Variants in DYSF observed in about 807,000 individuals in gnomAD.
DYSF encodes the protein dysferlin, also known as dystrophy-associated fer-1-like 1.
DYSF carries 212 observed loss-of-function variants against 274.9 expected under a neutral mutation model. The observed-to-expected ratio is 0.77, with a 90% CI of 0.69 to 0.86. DYSF has a LOEUF of 0.86. DYSF is among the 40% of genes least tolerant of loss of function. The probability of loss-of-function intolerance (pLI) is 0.00; values close to 1 mark genes in which losing one functional copy is unlikely to be tolerated. For missense variants in DYSF, 2,666 were observed against 2,783.2 expected (o/e 0.96, Z 0.95); for synonymous variants, 1,091 against 1,078.7 (o/e 1.01, Z -0.22).
At chr2:71,570,881 C>T in intron 29 of DYSF, 140 bp downstream of exon 29, 2 of 1,244,072 alleles carry the variant, frequency 1.6e-6, no homozygotes, top group South Asian at 2.9e-5. Flanking sequence ...TGGAGGTGCT[C>T]ACAGATCACA....
chr2:71,666,437 G>T (rs2095011088), intron 47 of DYSF, among the ~76,000 whole-genome samples: 1 of 152,228 alleles, frequency 6.6e-6, no homozygotes, highest in South Asian at 2.1e-4. Flanking sequence ...ACTGAAATGG[G>T]CAGGGCAGGT....
rs115556250 is a variant in DYSF, at chr2:71,642,519, G to A, written c.4528-1446G>A. 3.4e-3 allele frequency among the ~76,000 whole-genome samples: 523 copies of A among 152,284 alleles called. 3 individuals carry two copies. Among genetic ancestry groups the A allele is most frequent in the African/African-American group, 0.012 (498 of 41,558 alleles). ...CTCTAAGCTGGCTTTTTCTAGAGTG[G>A]TTACAAGTCAGAAAGCTCTGCCATG... On this transcript the variant is annotated intron_variant, in intron 41 of 55. Coordinates refer to ENST00000410020, the MANE Select transcript of DYSF (RefSeq NM_001130987.2).
intron 17 of DYSF, among the ~76,000 whole-genome samples, chr2:71,548,840 G>T (rs952636796): frequency 2.6e-5 from 4 of 152,138 alleles, no homozygotes; most frequent in African/African-American, 9.7e-5. Context: ...TGGAGATGTT[G>T]TGCCTTGAAA....
chr2:71,684,131 C>G (rs1387173359), intron 55 of DYSF, among the ~76,000 whole-genome samples: 1 of 152,194 alleles, frequency 6.6e-6, no homozygotes, highest in Non-Finnish European at 1.5e-5. Flanking sequence ...TGTCCATCAG[C>G]AAAATCTGAC....
upstream of DYSF, among the ~76,000 whole-genome samples, chr2:71,462,831 C>A (rs76517336): frequency 0.18 from 26,755 of 152,106 alleles, 2,635 homozygotes; most frequent in East Asian, 0.45. Flanking sequence ...CCTGGTAGTC[C>A]CAACATCTGT....
intron 36 of DYSF, among the ~76,000 whole-genome samples, chr2:71,605,927 C>A (rs1455875922): frequency 6.6e-6 from 1 of 152,080 alleles, no homozygotes; most frequent in African/African-American, 2.4e-5. Context: ...ACAATGGAGC[C>A]CTCCCAGCCT....
intron 35 of DYSF, 72 bp from the exon 36 acceptor site, chr2:71,602,704 T>G (rs2093574527): frequency 2.6e-6 from 4 of 1,547,174 alleles, no homozygotes; most frequent in African/African-American, 1.3e-5. Context: ...TTGATACTAA[T>G]AGAGAACTTT....
Position 71,612,551 on chromosome 2 carries a change from C to T in DYSF, c.4222-90C>T, listed in dbSNP as rs935203058. 3.2e-5 allele frequency: 50 copies of T among 1,562,706 alleles called. No homozygotes were observed. The Middle Eastern group carries it at 5.1e-4, about 16-fold the overall frequency. On this transcript the variant is annotated intron_variant, in intron 38 of 55. Coordinates refer to ENST00000410020, the MANE Select transcript of DYSF (RefSeq NM_001130987.2). ...GATTTCTGGCTGTGGGGATTATCTG[C>T]GGTTTATAGTCATTTTCTGCTCTTT...
rs948317553 is a variant in DYSF, at chr2:71,620,555, C to G, written c.4473C>G (p.Asp1491Glu). The change falls in exon 41 of 56, where the codon GAC becomes GAG. Residue 1491 changes from aspartate (D) to glutamate (E), a missense_variant. Asp to Glu is a conservative substitution (Grantham distance 45). This residue lies in a region of DYSF where 1,460 missense variants were observed against 1,502.1 expected (regional missense o/e 0.97). Coordinates refer to ENST00000410020, the MANE Select transcript of DYSF (RefSeq NM_001130987.2). ...GCATGTTTCATTTGTAGCTTGCAGA[C>G]GGTCTGTCGAGCTTGGCCCCCACTA... The part of the protein sequence containing the change: ...KEPLIPIQLA[D>E]GLSSLAPTNT... The G allele has an allele frequency of 9.7e-6, 15 of 1,551,544 alleles. No homozygotes were observed. The highest frequency in any genetic ancestry group is 3.5e-6 in the Non-Finnish European group (4 of 1,146,994).
chr2:71,516,091 C>T (rs1203923749), intron 8 of DYSF, 89 bp from the exon 9 acceptor site: 19 of 1,276,766 alleles, frequency 1.5e-5, no homozygotes, highest in African/African-American at 8.8e-5. Flanking sequence ...AACTGCTAGG[C>T]GTGGAGGCTT....
intron 1 of DYSF, among the ~76,000 whole-genome samples, chr2:71,455,477 G>A (rs1187161692): frequency 2.0e-5 from 3 of 152,158 alleles, no homozygotes; most frequent in African/African-American, 4.8e-5. Context: ...CGTGGCCTCC[G>A]GAAATGAGCT....
intron 14 of DYSF, among the ~76,000 whole-genome samples, chr2:71,534,790 C>T (rs2089136314): frequency 6.6e-6 from 1 of 152,134 alleles, no homozygotes; most frequent in South Asian, 2.1e-4. Flanking sequence ...AGACAGCCCA[C>T]CCCACCCTTA....
At chr2:71,626,547 TAAAC>T (rs2094211353) in intron 41 of DYSF, among the ~76,000 whole-genome samples, 1 of 151,826 alleles carries the variant, frequency 6.6e-6, no homozygotes, top group Non-Finnish European at 1.5e-5. Context: ...TATTAGTACT[TAAAC>T]AACTTTGCAT....
At chr2:71,639,004 T>C (rs1278890125) in intron 41 of DYSF, among the ~76,000 whole-genome samples, 1 of 152,220 alleles carries the variant, frequency 6.6e-6, no homozygotes, top group Non-Finnish European at 1.5e-5. Flanking sequence ...ATTATCTGAC[T>C]TTATGATGAT....
At chr2:71,672,184 C>T (rs1050433423) in intron 51 of DYSF, among the ~76,000 whole-genome samples, 14 of 151,156 alleles carry the variant, frequency 9.3e-5, no homozygotes, top group South Asian at 2.1e-4. Flanking sequence ...CTGGCTCGGC[C>T]GAAGGCGGAG....
intron 31 of DYSF, among the ~76,000 whole-genome samples, 175 bp from the exon 32 acceptor site, chr2:71,590,036 C>T (rs553740039): frequency 7.9e-5 from 12 of 152,234 alleles, no homozygotes; most frequent in South Asian, 2.1e-4. Flanking sequence ...GTCAGGTGTC[C>T]GCTTTCAAGC....
chr2:71,529,567 C>T (rs2088407220), intron 14 of DYSF, among the ~76,000 whole-genome samples: 2 of 152,236 alleles, frequency 1.3e-5, no homozygotes, highest in Admixed American at 1.3e-4. Context: ...GCCATAATGT[C>T]AGGTTGTCCC....
chr2:71,513,330 C>G lies in DYSF; in HGVS notation c.551C>G (p.Thr184Arg). The G allele has an allele frequency of 6.4e-7, 1 of 1,551,560 alleles. No homozygotes were observed. Among genetic ancestry groups the G allele is most frequent in the Non-Finnish European group, 8.7e-7 (1 of 1,146,912 alleles). ...TCTGGAAAGAAGTGGCCGGCCCCCA[C>G]GGGTGAGACACGGGCCAGGACTGTC... Reference protein sequence around the residue: ...RYSGKKWPAPTDTGGEEDTED... With the variant: ...RYSGKKWPAPRDTGGEEDTED... Residue 184 changes from threonine to arginine, a missense_variant and splice_region_variant, in exon 6 of 56, where the codon ACG (threonine) becomes AGG (arginine). Physicochemically the swap from Thr to Arg is moderately conservative, Grantham distance 71. This residue lies in a region of DYSF where 794 missense variants were observed against 777.1 expected (regional missense o/e 1.02). Transcript: ENST00000410020.
chr2:71,497,805 A>G (rs1476372484), intron 3 of DYSF, among the ~76,000 whole-genome samples: 2 of 152,258 alleles, frequency 1.3e-5, no homozygotes, highest in African/African-American at 4.8e-5. Flanking sequence ...AAAGTTTTCC[A>G]GAGCTTATAT....
Sources: gnomAD v4.1 joint callset for allele counts (sites outside exome capture counted in the v4.1 genomes callset) on GRCh38, gnomAD v4.1.1 for gene constraint, gnomAD v4.1.1 regional missense constraint, MANE v1.5 for transcripts, NCBI Gene and HGNC (gene_info 2026-07-23, HGNC 2026-07-21) for gene names.